The following ATP13A5 variants were observed in gnomAD, a reference collection of about 807,000 sequenced individuals.
ATP13A5 encodes the protein probable cation-transporting ATPase 13A5.
Under a neutral mutation model 150.2 loss-of-function variants are expected in ATP13A5, and 149 were observed. That is an observed-to-expected ratio of 0.99 (90% confidence interval 0.87 to 1.14). ATP13A5 has a LOEUF of 1.14. Ranked by LOEUF, ATP13A5 falls within the 50% of genes most tolerant of loss-of-function variation. The pLI, the probability that ATP13A5 is intolerant of heterozygous loss-of-function variation, is 0.00. For missense variants in ATP13A5, 1,383 were observed against 1,449.3 expected (o/e 0.95, Z 0.74); for synonymous variants, 497 against 522.2 (o/e 0.95, Z 0.66).
chr3:193,361,340 T>C (rs1002121612), intron 5 of ATP13A5, among the ~76,000 whole-genome samples: 6 of 152,172 alleles, frequency 3.9e-5, no homozygotes, highest in Non-Finnish European at 8.8e-5. Flanking sequence ...GAGGAAAAAC[T>C]TATAAACAAC....
At chr3:193,296,234 T>C (rs1718165162) in intron 25 of ATP13A5, among the ~76,000 whole-genome samples, 1 of 152,066 alleles carries the variant, frequency 6.6e-6, no homozygotes, top group Admixed American at 6.6e-5. Context: ...AGCACCACTA[T>C]GTCAGGGTGT....
intron 5 of ATP13A5, among the ~76,000 whole-genome samples, chr3:193,361,529 G>A (rs1433764111): frequency 3.9e-5 from 6 of 152,252 alleles, no homozygotes; most frequent in East Asian, 1.9e-4. Context: ...GTTTCTGGCC[G>A]ACTGTAAAGG....
At chr3:193,276,851 TTATTA>T in intron 28 of ATP13A5, 21 bp from the exon 29 acceptor site, 1 of 1,565,646 alleles carries the variant, frequency 6.4e-7, no homozygotes, top group Non-Finnish European at 8.8e-7. Flanking sequence ...ACAAATACCA[TTATTA>T]TATTTTGCAC....
chr3:193,293,408 C>T (rs1718043591), intron 25 of ATP13A5, among the ~76,000 whole-genome samples: 2 of 152,216 alleles, frequency 1.3e-5, no homozygotes, highest in South Asian at 4.1e-4. Context: ...TCCCACAACA[C>T]ATTACTCACA....
In ATP13A5 at chr3:193,363,384, T is replaced by C. The variant is rs984659856; in HGVS notation, c.238-2A>G. ...CCTCATATATCTTTGAAATTCGTCC[T>C]GGAAAAGACAATCCAGTTCATGAAA... On this transcript the variant is annotated splice_acceptor_variant, in intron 2 of 29. Transcript: ENST00000342358. LOFTEE classifies it high-confidence loss of function. 4 of 1,609,950 alleles carry C rather than the reference T, an allele frequency of 2.5e-6. No individual in the cohort carries two copies. Among genetic ancestry groups the C allele is most frequent in the African/African-American group, 2.7e-5 (2 of 74,836 alleles).
chr3:193,372,746 C>T (rs911863170), intron 1 of ATP13A5, among the ~76,000 whole-genome samples: 7 of 152,146 alleles, frequency 4.6e-5, no homozygotes, highest in African/African-American at 1.7e-4. Flanking sequence ...TCACTGATAC[C>T]CTCACCTTGT....
At chr3:193,313,519 G>A (rs1413109366) in intron 19 of ATP13A5, 1 of 152,328 alleles carries the variant, frequency 6.6e-6, no homozygotes, top group Non-Finnish European at 1.5e-5. Flanking sequence ...CCCAGCCTCT[G>A]TTAGCTTCAT....
At chr3:193,293,572 G>T (rs146295496) in intron 25 of ATP13A5, among the ~76,000 whole-genome samples, 2 of 152,052 alleles carry the variant, frequency 1.3e-5, no homozygotes, top group Non-Finnish European at 2.9e-5. Context: ...GGAAGACTTC[G>T]CAGTTTCAAA....
chr3:193,367,346 T>G lies in ATP13A5; in HGVS notation c.64-3066A>C, dbSNP rs991219856. On this transcript the variant is annotated intron_variant, in intron 1 of 29. Coordinates refer to ENST00000342358, the MANE Select transcript of ATP13A5 (RefSeq NM_198505.4). ...TATTACAGAAAATTAATATGCAATT[T>G]AAAAGCTCCCTGCAAAGAAATCGTC... Among the ~76,000 whole-genome samples, 4 of 152,072 alleles carry G rather than the reference T, an allele frequency of 2.6e-5. No individual in the cohort carries two copies. The South Asian group carries it at 6.2e-4, about 24-fold the overall frequency.
chr3:193,300,178 A>C (rs1040475736), intron 24 of ATP13A5, among the ~76,000 whole-genome samples: 2 of 152,088 alleles, frequency 1.3e-5, no homozygotes, highest in Non-Finnish European at 2.9e-5. Context: ...TTTCTTTCTC[A>C]TATCCTTTCC....
At chr3:193,288,612 TGGACTG>T (rs1436880688) in intron 26 of ATP13A5, among the ~76,000 whole-genome samples, 1 of 152,184 alleles carries the variant, frequency 6.6e-6, no homozygotes, top group Non-Finnish European at 1.5e-5. Context: ...AACTTTTATA[TGGACTG>T]GGAACCCAAA....
At chr3:193,330,831 T>A (rs780812843) in intron 12 of ATP13A5, among the ~76,000 whole-genome samples, 2 of 152,190 alleles carry the variant, frequency 1.3e-5, no homozygotes, top group African/African-American at 4.8e-5. Flanking sequence ...TCAGTCAGTC[T>A]AAGAAGTTAC....
chr3:193,319,590 A>G (rs991838195), intron 16 of ATP13A5, among the ~76,000 whole-genome samples: 23 of 152,204 alleles, frequency 1.5e-4, no homozygotes, highest in Non-Finnish European at 2.6e-4. Flanking sequence ...CAGCCCCCAG[A>G]ACTGTGAGGA....
intron 12 of ATP13A5, among the ~76,000 whole-genome samples, chr3:193,328,477 A>G (rs866436165): frequency 5.4e-4 from 82 of 152,374 alleles, no homozygotes; most frequent in African/African-American, 1.8e-3. Context: ...ATTCAAACTG[A>G]TATGTTTTCC....
chr3:193,295,036 C>T (rs1021396696), intron 25 of ATP13A5, among the ~76,000 whole-genome samples: 2 of 152,040 alleles, frequency 1.3e-5, no homozygotes, highest in Non-Finnish European at 2.9e-5. Flanking sequence ...AAGTCAAAAA[C>T]CATAAGTCAA....
chr3:193,276,423 G>A (rs1290947960), intron 29 of ATP13A5, among the ~76,000 whole-genome samples: 1 of 152,168 alleles, frequency 6.6e-6, no homozygotes, highest in Non-Finnish European at 1.5e-5. Flanking sequence ...GGGTTTTAGG[G>A]TTGGAAGGTC....
intron 4 of ATP13A5, 48 bp from the exon 5 acceptor site, chr3:193,362,509 A>G: frequency 6.2e-7 from 1 of 1,613,164 alleles, no homozygotes; most frequent in East Asian, 2.2e-5. Flanking sequence ...ATAGCACTCA[A>G]CAAATCAGTG....
At chr3:193,356,346 C>T (rs1375597693) in intron 5 of ATP13A5, among the ~76,000 whole-genome samples, 1 of 152,054 alleles carries the variant, frequency 6.6e-6, no homozygotes, top group African/African-American at 2.4e-5. Context: ...TTCCGAATGC[C>T]TAAAACAGAG....
At position 193,356,249 on chromosome 3, in the gene ATP13A5, G is replaced by T. The variant is rs551972384; in HGVS notation, c.537-2053C>A. On this transcript the variant is annotated intron_variant, in intron 5 of 29. Coordinates refer to ENST00000342358, the MANE Select transcript of ATP13A5 (RefSeq NM_198505.4). Reference sequence around the variant, plus strand: ...TGCATATAATTACCTGAAAGTACACGTTATGTTTCACATTTTAATAAGTTT... The same window carrying T: ...TGCATATAATTACCTGAAAGTACACTTTATGTTTCACATTTTAATAAGTTT... Among the ~76,000 whole-genome samples, 4 of 145,798 alleles carry T rather than the reference G, an allele frequency of 2.7e-5. No homozygotes were observed. The South Asian group carries it at 9.0e-4, about 33-fold the overall frequency.
Sources: gnomAD v4.1 joint callset for allele counts (sites outside exome capture counted in the v4.1 genomes callset) on GRCh38, gnomAD v4.1.1 for gene constraint, MANE v1.5 for transcripts, NCBI Gene and HGNC (gene_info 2026-07-23, HGNC 2026-07-21) for gene names.